CSMD1: variants seen among roughly 807,000 people sequenced by gnomAD.
The protein encoded by CSMD1 is CUB and Sushi multiple domains 1.
Under a neutral mutation model 417.5 loss-of-function variants are expected in CSMD1, and 213 were observed. That is an observed-to-expected ratio of 0.51 (90% CI 0.46 to 0.57). The LOEUF (loss-of-function observed/expected upper bound fraction) is 0.57, where lower values mean the gene tolerates loss of function less well. Ranked by LOEUF, CSMD1 falls within the 20% of genes least tolerant of loss-of-function variation. The pLI, the probability that CSMD1 is intolerant of heterozygous loss-of-function variation, is 0.00. For synonymous variants in CSMD1, 2,862 were observed against 1,736.8 expected (o/e 1.65, Z -16.11); for missense variants, 6,923 against 4,529.7 (o/e 1.53, Z -15.17).
intron 25 of CSMD1, among the ~76,000 whole-genome samples, chr8:3,292,849 G>T (rs920965654): frequency 6.6e-6 from 1 of 151,824 alleles, no homozygotes; most frequent in Non-Finnish European, 1.5e-5. Flanking sequence ...ATTGTTATGT[G>T]TGAATTTGAT....
intron 2 of CSMD1, among the ~76,000 whole-genome samples, chr8:4,489,834 C>G (rs113479788): frequency 6.6e-6 from 1 of 152,172 alleles, no homozygotes; most frequent in African/African-American, 2.4e-5. Flanking sequence ...ACCTGACTTG[C>G]AGCCTTGTGA....
intron 3 of CSMD1, among the ~76,000 whole-genome samples, chr8:4,160,653 T>C (rs564537535): frequency 6.6e-6 from 1 of 152,266 alleles, no homozygotes; most frequent in South Asian, 2.1e-4. Flanking sequence ...TTTGTACTTG[T>C]GTGTGCACAG....
At chr8:4,469,970 CCAT>C (rs1800430801) in intron 2 of CSMD1, among the ~76,000 whole-genome samples, 1 of 151,842 alleles carries the variant, frequency 6.6e-6, no homozygotes, top group Non-Finnish European at 1.5e-5. Flanking sequence ...TGGATTCACA[CCAT>C]CATCCTGCCT....
chr8:4,002,271 G>C (rs1385087964), intron 4 of CSMD1, among the ~76,000 whole-genome samples: 2 of 152,012 alleles, frequency 1.3e-5, no homozygotes, highest in Non-Finnish European at 2.9e-5. Context: ...GTTTGTGTTT[G>C]AAAGCACCTG....
At chr8:4,668,444 T>C (rs1242039986) in intron 1 of CSMD1, among the ~76,000 whole-genome samples, 1 of 146,100 alleles carries the variant, frequency 6.8e-6, no homozygotes, top group African/African-American at 2.5e-5. Context: ...ATTATTATTA[T>C]TATTATTATT....
chr8:3,134,944 G>C (rs1045912909), intron 41 of CSMD1, among the ~76,000 whole-genome samples: 2 of 152,182 alleles, frequency 1.3e-5, no homozygotes, highest in African/African-American at 4.8e-5. Flanking sequence ...TTATTACTGA[G>C]ACAGGGTCTC....
intron 2 of CSMD1, among the ~76,000 whole-genome samples, chr8:4,428,990 A>G (rs952758455): frequency 6.6e-6 from 1 of 152,118 alleles, no homozygotes; most frequent in African/African-American, 2.4e-5. Flanking sequence ...CTGGGAATAT[A>G]GGCATAAGGC....
intron 57 of CSMD1, among the ~76,000 whole-genome samples, chr8:2,968,652 T>A (rs1336937454): frequency 3.9e-5 from 6 of 152,112 alleles, no homozygotes; most frequent in Non-Finnish European, 7.4e-5. Context: ...TAGAAGGCAA[T>A]GTCAACATAT....
chr8:3,599,771 C>T (rs774638833), intron 8 of CSMD1, among the ~76,000 whole-genome samples: 10 of 152,172 alleles, frequency 6.6e-5, no homozygotes, highest in South Asian at 4.1e-4. Context: ...TGGTCCTTCC[C>T]GCTTGGCATG....
rs548411494 is a variant in CSMD1 at position 4,673,694 on chromosome 8, A to G, written c.86-36136T>C. Among the ~76,000 whole-genome samples the G allele has an allele frequency of 6.2e-4, 94 of 152,324 alleles. No homozygotes were observed. In the South Asian group the frequency reaches 0.018, roughly 30 times the overall value. On this transcript the variant is annotated intron_variant, in intron 1 of 69. Coordinates refer to ENST00000635120, the MANE Select transcript of CSMD1 (RefSeq NM_033225.6). ...AATGCTTCCTCAACATTTTCCCCCA[A>G]GAAAACCCACAGCTGGTCAATTAAA...
At chr8:4,210,964 A>C (rs1187616715) in intron 3 of CSMD1, among the ~76,000 whole-genome samples, 1 of 152,168 alleles carries the variant, frequency 6.6e-6, no homozygotes, top group African/African-American at 2.4e-5. Context: ...TCTCTAAATG[A>C]AAAAATCTCT....
intron 3 of CSMD1, among the ~76,000 whole-genome samples, chr8:4,406,461 CTCA>C (rs1438146150): frequency 6.6e-6 from 1 of 152,172 alleles, no homozygotes; most frequent in African/African-American, 2.4e-5. Context: ...GATAAATCTA[CTCA>C]TCATCCTCTG....
At chr8:4,816,828 C>T (rs1439111175) in intron 1 of CSMD1, among the ~76,000 whole-genome samples, 1 of 152,088 alleles carries the variant, frequency 6.6e-6, no homozygotes, top group Non-Finnish European at 1.5e-5. Flanking sequence ...AACTGAGAGA[C>T]TTGGCAATTA....
chr8:4,144,393 C>G (rs1320554107), intron 3 of CSMD1, among the ~76,000 whole-genome samples: 1 of 151,138 alleles, frequency 6.6e-6, no homozygotes, highest in Non-Finnish European at 1.5e-5. Context: ...CTTAATTTAT[C>G]TTTTCTGTTT....
chr8:4,841,217 A>T (rs1040550383), intron 1 of CSMD1, among the ~76,000 whole-genome samples: 1 of 152,278 alleles, frequency 6.6e-6, no homozygotes, highest in East Asian at 1.9e-4. Context: ...TGATATATCT[A>T]GATAAAAGGG....
chr8:3,142,324 T>A (rs1818553789), intron 41 of CSMD1, 141 bp downstream of exon 41: 1 of 764,012 alleles, frequency 1.3e-6, no homozygotes, highest in Non-Finnish European at 2.1e-6. Context: ...GTTCCACTAC[T>A]AACCAGAAAC....
rs139617961 is a variant in CSMD1 at position 3,861,712 on chromosome 8, G to A, written c.819-107670C>T. On this transcript the variant is annotated intron_variant, in intron 5 of 69. Transcript: ENST00000635120. The stretch of plus-strand genomic sequence containing the variant: ...TTTTTGTTTGGTTTGGTTTTTATTC[G>A]TTTTGTGTTTTGTCTGCTATAAAGA... 4.9e-3 allele frequency among the ~76,000 whole-genome samples: 742 copies of A among 152,166 alleles called. 3 individuals are homozygous for A. The highest frequency in any genetic ancestry group is 0.016 in the African/African-American group (653 of 41,510).
At chr8:3,814,762 T>C (rs1024947462) in intron 5 of CSMD1, among the ~76,000 whole-genome samples, 1 of 152,208 alleles carries the variant, frequency 6.6e-6, no homozygotes, top group African/African-American at 2.4e-5. Flanking sequence ...GCATTTCCAA[T>C]GGACTATTCT....
intron 19 of CSMD1, 55 bp downstream of exon 19, chr8:3,369,199 G>T (rs187045715): frequency 1.2e-6 from 1 of 856,150 alleles, no homozygotes; most frequent in Non-Finnish European, 1.9e-6. Flanking sequence ...TTTTGTTCCC[G>T]TTTTTCTGTC....
Sources: gnomAD v4.1 joint callset for allele counts (sites outside exome capture counted in the v4.1 genomes callset) on GRCh38, gnomAD v4.1.1 for gene constraint, MANE v1.5 for transcripts, NCBI Gene and HGNC (gene_info 2026-07-23, HGNC 2026-07-21) for gene names.